Variants in TMEM260 observed in about 807,000 individuals in gnomAD.
The protein encoded by TMEM260 is protein O-mannosyl-transferase TMEM260.
TMEM260 carries 82 observed loss-of-function variants against 88.9 expected under a neutral mutation model. The observed-to-expected ratio is 0.92, with a 90% CI of 0.77 to 1.11. The LOEUF is 1.11. Among genes scored for constraint, TMEM260 ranks in the 50% least tolerant of loss-of-function variants. The pLI is 0.00. For synonymous variants in TMEM260, 314 were observed against 309.3 expected, an observed-to-expected ratio of 1.02 and a Z score of -0.16; for missense variants, 902 against 853.4, an observed-to-expected ratio of 1.06 and a Z score of -0.71.
intron 1 of TMEM260, among the ~76,000 whole-genome samples, chr14:56,583,111 C>T (rs893916689): frequency 6.6e-6 from 1 of 151,968 alleles, no homozygotes; most frequent in Non-Finnish European, 1.5e-5. Context: ...ATGGTGGCTT[C>T]GTTACAAAAA....
chr14:56,602,834 A>G (rs1211191345), intron 3 of TMEM260, among the ~76,000 whole-genome samples: 2 of 152,168 alleles, frequency 1.3e-5, no homozygotes, highest in Non-Finnish European at 2.9e-5. Context: ...ATGATTGACT[A>G]AAGCCATAGA....
chr14:56,585,093 G>A, intron 2 of TMEM260, 61 bp downstream of exon 2: 1 of 1,481,316 alleles, frequency 6.8e-7, no homozygotes, highest in South Asian at 1.2e-5. Flanking sequence ...AATTAAGAAA[G>A]TTTAATTAAG....
intron 3 of TMEM260, among the ~76,000 whole-genome samples, chr14:56,596,381 A>AGTGTGTGTGTGTGTGTGTGT (rs376857460): frequency 7.9e-6 from 1 of 126,576 alleles, no homozygotes; most frequent in African/African-American, 3.0e-5. Flanking sequence ...TATATGTGAG[A>AGTGTGTGTGTGTGTGTGTGT]GTGTGTGTGT....
At chr14:56,652,606 A>C (rs1890226161), downstream of TMEM260, among the ~76,000 whole-genome samples, 1 of 152,214 alleles carries the variant, frequency 6.6e-6, no homozygotes, top group Non-Finnish European at 1.5e-5. Flanking sequence ...TTCATTTATC[A>C]AAAAACTAGG....
rs754255546 is a variant in TMEM260, at chr14:56,605,669, C to T, written c.622C>T (p.Leu208Phe). The change falls in exon 5 of 16, where the codon CTT (leucine) becomes TTT (phenylalanine). Residue 208 changes from leucine (L) to phenylalanine (F), a missense_variant. By Grantham distance (22) the Leu-to-Phe change is conservative. Transcript: ENST00000261556. ...CATAATACCTTGGATTCTCTTTCAA[C>T]TTTTAAAAAAGAAGGTACGTTTTTG... is the stretch of plus-strand genomic sequence containing the variant. Reference protein sequence around the residue: ...LCIIPWILFQLLKKKELSLGS... With the variant: ...LCIIPWILFQFLKKKELSLGS... 34 of 1,564,546 alleles carry T rather than the reference C, an allele frequency of 2.2e-5. No individual in the cohort carries two copies. The South Asian group carries it at 3.6e-4, about 17-fold the overall frequency.
downstream of TMEM260, chr14:56,649,973 T>A (rs1490928968): frequency 5.5e-6 from 2 of 364,622 alleles, no homozygotes; most frequent in Non-Finnish European, 1.1e-5. Flanking sequence ...GATGTTGGGC[T>A]TCATTCCCAG....
chr14:56,634,021 G>A (rs113350426), intron 13 of TMEM260, among the ~76,000 whole-genome samples: 10 of 152,278 alleles, frequency 6.6e-5, no homozygotes, highest in South Asian at 6.2e-4. Context: ...CTCTGCAGCC[G>A]TCATGAGAAA....
chr14:56,636,062 T>C (rs1889038662), intron 14 of TMEM260, among the ~76,000 whole-genome samples: 1 of 152,236 alleles, frequency 6.6e-6, no homozygotes, highest in South Asian at 2.1e-4. Context: ...GCACAGGTAT[T>C]GATTTAATTG....
At chr14:56,610,029 A>T (rs537224044) in intron 6 of TMEM260, among the ~76,000 whole-genome samples, 3 of 152,144 alleles carry the variant, frequency 2.0e-5, no homozygotes, top group African/African-American at 4.8e-5. Context: ...AAAACTCTAA[A>T]CCATGAGAAA....
At chr14:56,639,825 CAGG>C (rs1168805276) in intron 15 of TMEM260, among the ~76,000 whole-genome samples, 2 of 152,180 alleles carry the variant, frequency 1.3e-5, no homozygotes, top group African/African-American at 2.4e-5. Context: ...AACGGCACAC[CAGG>C]AGATTATATT....
rs745450863 is a variant in TMEM260 at position 56,621,702 on chromosome 14, A to C, written c.1398A>C (p.Glu466Asp). The change falls in exon 11 of 16, where the codon GAA becomes GAC. Residue 466 changes from glutamate (E) to aspartate (D), a missense_variant and splice_region_variant. Transcript: ENST00000261556. ...LRPDISLVDQ[E>D]MMTYEWYLPK... ...CTGACATTTCATTAGTGGATCAGGAAGTAAGTATATGAAAAATATACTTAG... is the reference window on the plus strand; with the variant it reads ...CTGACATTTCATTAGTGGATCAGGACGTAAGTATATGAAAAATATACTTAG... 6.2e-7 allele frequency: 1 copy of C among 1,601,312 alleles called. No individual in the cohort carries two copies. The highest frequency in any genetic ancestry group is 8.5e-7 in the Non-Finnish European group (1 of 1,175,922).
At chr14:56,625,263 A>T in intron 11 of TMEM260, 119 bp from the exon 12 acceptor site, 1 of 930,256 alleles carries the variant, frequency 1.1e-6, no homozygotes, top group Non-Finnish European at 1.6e-6. Flanking sequence ...TATATTTTTC[A>T]ATTATATATA....
intron 12 of TMEM260, among the ~76,000 whole-genome samples, chr14:56,630,239 C>T (rs530477416): frequency 5.9e-5 from 9 of 152,122 alleles, no homozygotes; most frequent in South Asian, 4.1e-4. Context: ...GATTTCTTTG[C>T]GTTAACTTGT....
At position 56,579,895 on chromosome 14, in the gene TMEM260, C is replaced by T. The variant is rs1303288565; in HGVS notation, c.-20C>T. 6.5e-6 allele frequency: 8 copies of T among 1,232,284 alleles called. No individual in the cohort carries two copies. Among genetic ancestry groups the T allele is most frequent in the East Asian group, 3.2e-5 (1 of 31,694 alleles). 76.3% of individuals were successfully genotyped at this position (1,232,284 alleles called of 1,614,324 possible). ...GTTCTTGGGCTGGCCGTGTCCTTCT[C>T]CCTCGGTCGCCACTGGCCCATGAGT... On this transcript the variant is annotated 5_prime_UTR_variant, in exon 1 of 16. Transcript: ENST00000261556.
At chr14:56,611,888 G>A (rs1252173558) in intron 6 of TMEM260, among the ~76,000 whole-genome samples, 2 of 151,938 alleles carry the variant, frequency 1.3e-5, no homozygotes, top group Non-Finnish European at 2.9e-5. Context: ...TGTCCTAAGC[G>A]AACTAATGCA....
intron 15 of TMEM260, among the ~76,000 whole-genome samples, chr14:56,641,180 C>G (rs1594896911): frequency 6.6e-6 from 1 of 151,410 alleles, no homozygotes; most frequent in Non-Finnish European, 1.5e-5. Context: ...CAAAGATACT[C>G]CTCGAGAAGA....
intron 3 of TMEM260, among the ~76,000 whole-genome samples, chr14:56,596,780 A>AT (rs1176587117): frequency 6.8e-5 from 6 of 88,268 alleles, no homozygotes; most frequent in Non-Finnish European, 1.2e-4. Context: ...AAAAAAAAAA[A>AT]AATTAAAAAA....
chr14:56,637,507 A>AGTCTCTGCTTTGCTATGACTTACG, intron 15 of TMEM260, among the ~76,000 whole-genome samples: 1 of 152,368 alleles, frequency 6.6e-6, no homozygotes, highest in African/African-American at 2.4e-5. Flanking sequence ...ACTGTAACCA[A>AGTCTCTGCTTTGCTATGACTTACG]GTCTCTGCTT....
intron 1 of TMEM260, among the ~76,000 whole-genome samples, chr14:56,583,990 TTGTGTGTGTGTGTG>T (rs10594077): frequency 1.5e-4 from 22 of 145,944 alleles, no homozygotes; most frequent in South Asian, 4.4e-4. Flanking sequence ...ATCCAGCCTT[TTGTGTGTGTGTGTG>T]TGTGTGTGTG....
Sources: gnomAD v4.1 joint callset for allele counts (sites outside exome capture counted in the v4.1 genomes callset) on GRCh38, gnomAD v4.1.1 for gene constraint, MANE v1.5 for transcripts, NCBI Gene and HGNC (gene_info 2026-07-23, HGNC 2026-07-21) for gene names.